MAD1L1: variants seen among roughly 807,000 people sequenced by gnomAD.
MAD1L1 encodes the protein mitotic arrest deficient 1 like 1.
In MAD1L1, 95 loss-of-function variants were observed where a neutral mutation model predicts 96.9. The observed-to-expected ratio is 0.98, with a 90% CI of 0.83 to 1.16. The LOEUF (loss-of-function observed/expected upper bound fraction) is 1.16, where lower values mean the gene tolerates loss of function less well. MAD1L1 is among the 50% of genes most tolerant of loss of function. The pLI is 0.00. For synonymous variants in MAD1L1, 473 were observed against 396.6 expected (o/e 1.19, Z -2.29); for missense variants, 1,007 against 954.4 (o/e 1.06, Z -0.73).
intron 18 of MAD1L1, chr7:1,848,353 C>G (rs1783757182): frequency 6.4e-6 from 1 of 155,110 alleles, no homozygotes; most frequent in African/African-American, 2.4e-5. Context: ...AGACGGACAG[C>G]CCGGGGTCTC....
At chr7:1,989,394 C>T (rs1056279754) in intron 14 of MAD1L1, among the ~76,000 whole-genome samples, 8 of 152,220 alleles carry the variant, frequency 5.3e-5, no homozygotes, top group Middle Eastern at 3.2e-3. Context: ...GTCTCATTTA[C>T]GGAACTCAAC....
At chr7:2,207,881 G>A (rs1232951326) in intron 10 of MAD1L1, among the ~76,000 whole-genome samples, 1 of 152,138 alleles carries the variant, frequency 6.6e-6, no homozygotes, top group Non-Finnish European at 1.5e-5. Context: ...GCACAGATGT[G>A]TGGGACTGGG....
chr7:1,930,694 A>C (rs1450020751), intron 17 of MAD1L1, among the ~76,000 whole-genome samples: 1 of 150,274 alleles, frequency 6.7e-6, no homozygotes, highest in Non-Finnish European at 1.5e-5. Flanking sequence ...ACATCTGCTG[A>C]CCCCCGAGAT....
rs146937380 is a variant in MAD1L1 at position 2,036,849 on chromosome 7, G to A, written c.1219-22207C>T. Among the ~76,000 whole-genome samples the A allele has an allele frequency of 2.0e-3, 307 of 152,220 alleles. 1 individual carries two copies. The highest frequency in any genetic ancestry group is 3.3e-3 in the Non-Finnish European group (225 of 68,008). ...CCTAAGAACTAAGCTGTCTACAGAT[G>A]CAGACCAACCAGGTGGGAGGTGGTC... On this transcript the variant is annotated intron_variant, in intron 12 of 18. Transcript: ENST00000265854.
At chr7:2,221,847 C>T (rs1793625176) in intron 5 of MAD1L1, among the ~76,000 whole-genome samples, 1 of 152,256 alleles carries the variant, frequency 6.6e-6, no homozygotes, top group Non-Finnish European at 1.5e-5. Flanking sequence ...AAATTGGAGC[C>T]CTCAGCCAGG....
At chr7:2,151,592 C>T (rs928150616) in intron 10 of MAD1L1, among the ~76,000 whole-genome samples, 1 of 152,254 alleles carries the variant, frequency 6.6e-6, no homozygotes, top group Non-Finnish European at 1.5e-5. Flanking sequence ...GCATTTGACA[C>T]CGATTTAGAA....
chr7:2,139,695 G>A (rs1788930581), intron 11 of MAD1L1, among the ~76,000 whole-genome samples: 2 of 152,212 alleles, frequency 1.3e-5, no homozygotes, highest in Non-Finnish European at 2.9e-5. Flanking sequence ...TGATGGGGGA[G>A]GAAGCCGGGC....
At chr7:2,169,384 A>G (rs747883627) in intron 10 of MAD1L1, among the ~76,000 whole-genome samples, 1 of 152,224 alleles carries the variant, frequency 6.6e-6, no homozygotes, top group Admixed American at 6.5e-5. Flanking sequence ...TTAAGAAAAA[A>G]AGTTCTATAG....
At chr7:2,011,147 G>A (rs888148372) in intron 13 of MAD1L1, among the ~76,000 whole-genome samples, 5 of 151,580 alleles carry the variant, frequency 3.3e-5, no homozygotes, top group East Asian at 2.0e-4. Context: ...CCCCCCGACC[G>A]TGAGGAGAAG....
intron 15 of MAD1L1, among the ~76,000 whole-genome samples, chr7:1,969,754 C>T (rs1237862886): frequency 6.6e-6 from 1 of 152,204 alleles, no homozygotes; most frequent in Non-Finnish European, 1.5e-5. Context: ...ATCAAGAAAA[C>T]AATTCCATTC....
intron 18 of MAD1L1, 141 bp from the exon 19 acceptor site, chr7:1,816,369 C>T (rs1781806879): frequency 1.4e-6 from 1 of 723,534 alleles, no homozygotes; most frequent in African/African-American, 1.8e-5. Flanking sequence ...GCGTCCTCAA[C>T]CCTGCCAGGC....
At chr7:2,118,287 G>A (rs73035501) in intron 11 of MAD1L1, among the ~76,000 whole-genome samples, 4,225 of 152,264 alleles carry the variant, frequency 0.028, 100 homozygotes, top group South Asian at 0.09. Context: ...TCTGCAGAAC[G>A]GGGCCTGAGC....
chr7:1,936,980 C>T, intron 16 of MAD1L1, 83 bp from the exon 17 acceptor site: 2 of 1,123,434 alleles, frequency 1.8e-6, no homozygotes, highest in South Asian at 1.5e-5. Flanking sequence ...TCACCATGGC[C>T]CAGGAAGACA....
intron 17 of MAD1L1, among the ~76,000 whole-genome samples, chr7:1,902,972 C>T (rs1354067265): frequency 6.7e-6 from 1 of 149,182 alleles, no homozygotes; most frequent in Non-Finnish European, 1.5e-5. Context: ...AGCGAGGACC[C>T]AGTGGCCTAC....
intron 17 of MAD1L1, among the ~76,000 whole-genome samples, chr7:1,925,683 G>A (rs1056798470): frequency 2.6e-5 from 4 of 152,216 alleles, no homozygotes; most frequent in East Asian, 1.9e-4. Context: ...TGGAGGCCAC[G>A]TTCAAACTAT....
intron 11 of MAD1L1, among the ~76,000 whole-genome samples, chr7:2,124,947 G>A (rs1395148067): frequency 6.6e-6 from 1 of 152,200 alleles, no homozygotes; most frequent in Non-Finnish European, 1.5e-5. Context: ...CAGGGCAGGA[G>A]ACACCAGTGA....
At position 1,939,823 on chromosome 7, in the gene MAD1L1, G is replaced by A. The variant is rs112395822; in HGVS notation, c.1597-2926C>T. Among the ~76,000 whole-genome samples, 64 of 147,044 alleles carry A rather than the reference G, an allele frequency of 4.4e-4. 1 individual carries two copies. The highest frequency in any genetic ancestry group is 1.6e-3 in the South Asian group (7 of 4,374). On this transcript the variant is annotated intron_variant, in intron 16 of 18. Coordinates refer to ENST00000265854, the MANE Select transcript of MAD1L1 (RefSeq NM_001013836.2). ...GTGGGCCACTGCTCTCCAAGTCCCC[G>A]AAGGACGGCGAGGCCTGGCTTGGGC... is the stretch of plus-strand genomic sequence containing the variant.
intron 18 of MAD1L1, among the ~76,000 whole-genome samples, chr7:1,879,522 T>C (rs140252496): frequency 1.3e-5 from 2 of 151,484 alleles, no homozygotes; most frequent in East Asian, 3.9e-4. Context: ...GTAATCCAAA[T>C]CAAAGTCCCA....
intron 18 of MAD1L1, among the ~76,000 whole-genome samples, chr7:1,887,746 C>G (rs2128668984): frequency 7.5e-6 from 1 of 134,064 alleles, no homozygotes; most frequent in African/African-American, 2.9e-5. Flanking sequence ...GCTTCCTGTG[C>G]ATGTGTCCAT....
Sources: gnomAD v4.1 joint callset for allele counts (sites outside exome capture counted in the v4.1 genomes callset) on GRCh38, gnomAD v4.1.1 for gene constraint, MANE v1.5 for transcripts, NCBI Gene and HGNC (gene_info 2026-07-23, HGNC 2026-07-21) for gene names.